Variants in PGM1 observed in about 807,000 individuals in gnomAD.
The protein encoded by PGM1 is phosphoglucomutase 1.
PGM1 carries 52 observed loss-of-function variants against 55.6 expected under a neutral mutation model. The observed-to-expected ratio is 0.94, with a 90% CI of 0.75 to 1.18. PGM1 has a LOEUF of 1.18. Ranked by LOEUF, PGM1 falls within the 50% of genes most tolerant of loss-of-function variation. The probability of loss-of-function intolerance (pLI) is 0.00; values close to 1 mark genes in which losing one functional copy is unlikely to be tolerated. For missense variants in PGM1, 724 were observed against 729.3 expected (o/e 0.99, Z 0.08); for synonymous variants, 287 against 271.7 (o/e 1.06, Z -0.55).
At chr1:63,612,340 T>C (rs1648590606) in intron 1 of PGM1, among the ~76,000 whole-genome samples, 1 of 152,202 alleles carries the variant, frequency 6.6e-6, no homozygotes, top group Non-Finnish European at 1.5e-5. Context: ...CATCTGCATG[T>C]GACCTACTGT....
intron 3 of PGM1, 76 bp from the exon 4 acceptor site, chr1:63,631,581 A>C (rs1304967566): frequency 6.5e-6 from 9 of 1,389,760 alleles, no homozygotes; most frequent in Non-Finnish European, 9.2e-6. Flanking sequence ...GGTTTACAGC[A>C]ATATAGTCAC....
chr1:63,597,219 T>G (rs888901101), intron 1 of PGM1, among the ~76,000 whole-genome samples: 3 of 152,092 alleles, frequency 2.0e-5, no homozygotes, highest in Non-Finnish European at 2.9e-5. Context: ...AATTGAGTCT[T>G]AAAGAATGAC....
chr1:63,646,701 A>C (rs1460045695), intron 7 of PGM1, among the ~76,000 whole-genome samples: 1 of 152,094 alleles, frequency 6.6e-6, no homozygotes, highest in Middle Eastern at 3.4e-3. Flanking sequence ...GGATTTTTAC[A>C]CTTGTGGATT....
intron 9 of PGM1, among the ~76,000 whole-genome samples, chr1:63,653,362 G>A (rs1039611583): frequency 6.6e-6 from 1 of 152,182 alleles, no homozygotes; most frequent in African/African-American, 2.4e-5. Context: ...AGTGAAAATG[G>A]ACCGTATCCT....
At chr1:63,593,909 G>A (rs1647954371) in intron 1 of PGM1, 175 bp downstream of exon 1, 1 of 1,244,704 alleles carries the variant, frequency 8.0e-7, no homozygotes, top group African/African-American at 1.6e-5. Context: ...CCCGACGGAG[G>A]TCGCCGGGCT....
At position 63,616,066 on chromosome 1, in the gene PGM1, AC is replaced by A. The variant is rs148179580; in HGVS notation, c.247-13358del. Among the ~76,000 whole-genome samples the A allele has an allele frequency of 9.1e-3, 1,381 of 152,186 alleles. 24 individuals are homozygous for A. Among genetic ancestry groups the A allele is most frequent in the East Asian group, 0.064 (333 of 5,164 alleles). ...GATTTGAAAATAAAGCGATTCCTTA[AC>A]TGGTTCTCTTTTTACCAAAGAATTT... On this transcript the variant is annotated intron_variant, in intron 1 of 10. Coordinates refer to ENST00000371084, the MANE Select transcript of PGM1 (RefSeq NM_002633.3).
intron 1 of PGM1, among the ~76,000 whole-genome samples, chr1:63,596,920 T>G (rs1648090034): frequency 6.6e-6 from 1 of 152,244 alleles, no homozygotes; most frequent in Admixed American, 6.5e-5. Context: ...TGAGTCACTT[T>G]TGTATTCTAG....
At chr1:63,595,741 G>C (rs11800649) in intron 1 of PGM1, among the ~76,000 whole-genome samples, 38,690 of 152,004 alleles carry the variant, frequency 0.25, 6,592 homozygotes, top group African/African-American at 0.49. Context: ...AGACCCAAGA[G>C]TTGTCCTTAA....
chr1:63,634,949 ATGC>A lies in PGM1; in HGVS notation c.804_806del (p.Tyr268_Ala269delinsTer), dbSNP rs1282753181. On this transcript the variant is annotated stop_gained and inframe_deletion, in exon 5 of 11. Coordinates refer to ENST00000371084, the MANE Select transcript of PGM1 (RefSeq NM_002633.3). LOFTEE classifies it high-confidence loss of function. ...CACCACCCTGACCCCAACCTCACCT[ATGC>A]AGCTGACCTGGTGGAGACCATGAAG... 6.2e-7 allele frequency: 1 copy of A among 1,613,852 alleles called. No homozygotes were observed. The highest frequency in any genetic ancestry group is 8.5e-7 in the Non-Finnish European group (1 of 1,179,972).
At chr1:63,652,565 C>G (rs566556687) in intron 9 of PGM1, among the ~76,000 whole-genome samples, 1 of 114,068 alleles carries the variant, frequency 8.8e-6, no homozygotes, top group Non-Finnish European at 1.9e-5. Flanking sequence ...ACCTCTGCTT[C>G]TGTTGCCTGT....
intron 1 of PGM1, among the ~76,000 whole-genome samples, chr1:63,609,942 G>C (rs1648523763): frequency 6.6e-6 from 1 of 152,138 alleles, no homozygotes. Flanking sequence ...AACTTACAAT[G>C]GGTTCCAAAT....
At chr1:63,649,217 G>A (rs1182437303) in intron 8 of PGM1, among the ~76,000 whole-genome samples, 1 of 152,086 alleles carries the variant, frequency 6.6e-6, no homozygotes, top group Non-Finnish European at 1.5e-5. Flanking sequence ...CTATATACTT[G>A]TCAATAATTT....
chr1:63,608,984 A>G (rs1018409276), intron 1 of PGM1, among the ~76,000 whole-genome samples: 6 of 152,226 alleles, frequency 3.9e-5, no homozygotes, highest in Admixed American at 1.3e-4. Flanking sequence ...TGATGATTCT[A>G]TGATTATTAT....
At chr1:63,658,257 C>T (rs2101006522) in intron 10 of PGM1, among the ~76,000 whole-genome samples, 1 of 151,786 alleles carries the variant, frequency 6.6e-6, no homozygotes, top group Non-Finnish European at 1.5e-5. Context: ...ACTCCTGGCT[C>T]TGCTATTGAG....
rs1271056819 is a variant in PGM1 at position 63,659,634 on chromosome 1, C to T, written c.1648C>T (p.Gln550Ter). ...ISIALKVSQL[Q>*]ERTGRTAPTV... ...CATTGCTCTGAAAGTGTCCCAGCTG[C>T]AGGAGAGGACGGGACGCACTGCACC... is the stretch of plus-strand genomic sequence containing the variant. Residue 550 changes from glutamine to a stop codon, truncating the protein, a stop_gained, in exon 11 of 11, where the codon CAG becomes TAG. Coordinates refer to ENST00000371084, the MANE Select transcript of PGM1 (RefSeq NM_002633.3). LOFTEE classifies it high-confidence loss of function. 1 of 1,614,070 alleles carries T rather than the reference C, an allele frequency of 6.2e-7. No homozygotes were observed. Among genetic ancestry groups the T allele is most frequent in the Non-Finnish European group, 8.5e-7 (1 of 1,179,968 alleles).
intron 7 of PGM1, among the ~76,000 whole-genome samples, chr1:63,640,543 GATTATT>G (rs1291838088): frequency 6.6e-6 from 1 of 151,998 alleles, no homozygotes; most frequent in Non-Finnish European, 1.5e-5. Context: ...CCACAATAAT[GATTATT>G]ATTATTATCA....
intron 6 of PGM1, among the ~76,000 whole-genome samples, chr1:63,636,650 C>G (rs994538709): frequency 6.6e-6 from 1 of 152,188 alleles, no homozygotes; most frequent in African/African-American, 2.4e-5. Context: ...ATGGGCTGCC[C>G]TGCTAGACTG....
At chr1:63,627,056 C>A (rs554994395) in intron 1 of PGM1, among the ~76,000 whole-genome samples, 7 of 100,066 alleles carry the variant, frequency 7.0e-5, no homozygotes, top group Non-Finnish European at 1.5e-4. Context: ...TGGCAGGACC[C>A]CCCCCCCCCC....
chr1:63,648,643 T>G lies in PGM1; in HGVS notation c.1271T>G (p.Phe424Cys). 1.2e-6 allele frequency: 2 copies of G among 1,613,986 alleles called. No individual in the cohort carries two copies. Among genetic ancestry groups the G allele is most frequent in the Non-Finnish European group, 1.7e-6 (2 of 1,179,990 alleles). ...KDHWQKYGRN[F>C]FTRYDYEEVE... ...CATTGGCAAAAGTATGGCCGGAATT[T>G]CTTCACCAGGTGAGCCACAGCCCAG... is the stretch of plus-strand genomic sequence containing the variant. Residue 424 changes from phenylalanine (F) to cysteine (C), a missense_variant, in exon 8 of 11, where the codon TTC (phenylalanine) becomes TGC (cysteine). Physicochemically the swap from Phe to Cys is radical, Grantham distance 205. Coordinates refer to ENST00000371084, the MANE Select transcript of PGM1 (RefSeq NM_002633.3).
Sources: allele counts gnomAD v4.1 joint callset (sites outside exome capture counted in the v4.1 genomes callset), GRCh38; gene constraint gnomAD v4.1.1; transcripts MANE v1.5; gene names NCBI Gene and HGNC (gene_info 2026-07-23, HGNC 2026-07-21).